Variants in GALNTL6 observed in about 807,000 individuals in gnomAD.
GALNTL6 encodes polypeptide N-acetylgalactosaminyltransferase-like 6.
Under a neutral mutation model 73.7 loss-of-function variants are expected in GALNTL6, and 46 were observed. The observed-to-expected ratio is 0.62, with a 90% CI of 0.49 to 0.80. The LOEUF (loss-of-function observed/expected upper bound fraction) is 0.80, where lower values mean the gene tolerates loss of function less well. Ranked by LOEUF, GALNTL6 falls within the 30% of genes least tolerant of loss-of-function variation. The pLI is 0.00. For synonymous variants in GALNTL6, 259 were observed against 263.7 expected (o/e 0.98, Z 0.17); for missense variants, 604 against 755.0 (o/e 0.80, Z 2.34).
chr4:172,229,698 A>T lies in GALNTL6; in HGVS notation c.181A>T (p.Thr61Ser). The change falls in exon 3 of 13, where the codon ACA (threonine) becomes TCA (serine). Residue 61 changes from threonine (T) to serine (S), a missense_variant. By Grantham distance (58) the Thr-to-Ser change is moderately conservative. Around this residue, in one of 5 missense-constraint regions of GALNTL6, gnomAD observed 141 missense variants for 156.6 expected, o/e 0.90. Transcript: ENST00000506823. The stretch of plus-strand genomic sequence containing the variant: ...GGGAGATGGGCAATTCTATTCATGG[A>T]CAGATGGTTTGAGAAGAAAGGACTG... ...GLGDGQFYSW[T>S]DGLRRKDWHD... 6.2e-7 allele frequency: 1 copy of T among 1,613,908 alleles called. No homozygotes were observed. Among genetic ancestry groups the T allele is most frequent in the South Asian group, 1.1e-5 (1 of 91,072 alleles).
At chr4:172,515,202 T>G (rs1734560449) in intron 5 of GALNTL6, among the ~76,000 whole-genome samples, 1 of 152,216 alleles carries the variant, frequency 6.6e-6, no homozygotes, top group Non-Finnish European at 1.5e-5. Context: ...TGGAGAAAAG[T>G]GCATCTTATC....
At position 172,206,990 on chromosome 4, in the gene GALNTL6, T is replaced by TG. The variant is rs1736155545; in HGVS notation, c.139-22665dup. Among the ~76,000 whole-genome samples the TG allele has an allele frequency of 2.6e-5, 4 of 151,538 alleles. No homozygotes were observed. In the East Asian group the frequency reaches 5.9e-4, roughly 22 times the overall value. ...CCACCACCACGCCCGGCTAGTTTTT[T>TG]GTATTTTTAGTAGAGGCGGGGTTTC... On this transcript the variant is annotated intron_variant, in intron 2 of 12. Coordinates refer to ENST00000506823, the MANE Select transcript of GALNTL6 (RefSeq NM_001034845.3).
chr4:172,916,277 C>A (rs567853994), intron 8 of GALNTL6, among the ~76,000 whole-genome samples: 2 of 152,226 alleles, frequency 1.3e-5, no homozygotes, highest in South Asian at 4.1e-4. Flanking sequence ...ATGACAAACC[C>A]ACAGCCAATA....
intron 5 of GALNTL6, among the ~76,000 whole-genome samples, chr4:172,361,300 A>G (rs888229584): frequency 2.4e-4 from 4 of 16,592 alleles, no homozygotes; most frequent in Non-Finnish European, 1.3e-3. Context: ...ATTGAGTACT[A>G]TGAAGGTCCT....
intron 2 of GALNTL6, among the ~76,000 whole-genome samples, chr4:172,166,755 G>A (rs1267503236): frequency 6.6e-6 from 1 of 152,100 alleles, no homozygotes; most frequent in Non-Finnish European, 1.5e-5. Flanking sequence ...AAGATGGTGC[G>A]TTATTTCAAA....
intron 8 of GALNTL6, among the ~76,000 whole-genome samples, chr4:172,908,677 A>G (rs984907191): frequency 4.6e-5 from 7 of 151,552 alleles, no homozygotes; most frequent in Non-Finnish European, 1.0e-4. Context: ...CTTTATAAAT[A>G]TAAAAAGAAA....
intron 8 of GALNTL6, among the ~76,000 whole-genome samples, chr4:172,902,515 C>T (rs1158796366): frequency 6.6e-6 from 1 of 152,096 alleles, no homozygotes; most frequent in Non-Finnish European, 1.5e-5. Context: ...CAACATGGTC[C>T]CCTGTGGATC....
intron 2 of GALNTL6, among the ~76,000 whole-genome samples, chr4:172,130,181 ATT>A (rs34151025): frequency 1.2e-3 from 159 of 130,210 alleles, no homozygotes; most frequent in Admixed American, 1.5e-3. Flanking sequence ...TCATTACAGA[ATT>A]TTTTTTTTTT....
intron 5 of GALNTL6, among the ~76,000 whole-genome samples, chr4:172,406,856 A>G (rs989744102): frequency 7.2e-5 from 11 of 151,958 alleles, no homozygotes; most frequent in African/African-American, 2.7e-4. Context: ...AAGTTTATTC[A>G]TAGTTTCAAT....
At chr4:171,821,570 A>G (rs1734685218) in intron 2 of GALNTL6, among the ~76,000 whole-genome samples, 2 of 151,642 alleles carry the variant, frequency 1.3e-5, no homozygotes, top group African/African-American at 4.9e-5. Context: ...AGGTGATGAT[A>G]CCTTTTTTGT....
chr4:172,261,254 A>G (rs1738248389), intron 3 of GALNTL6, among the ~76,000 whole-genome samples: 3 of 151,126 alleles, frequency 2.0e-5, no homozygotes, highest in Admixed American at 6.6e-5. Flanking sequence ...TGTTGTTGAC[A>G]ATTTTTAAAT....
At chr4:172,713,590 A>G (rs1734860943) in intron 5 of GALNTL6, among the ~76,000 whole-genome samples, 1 of 152,144 alleles carries the variant, frequency 6.6e-6, no homozygotes, top group Non-Finnish European at 1.5e-5. Flanking sequence ...TGGCCCAAAC[A>G]TGTTGATGCA....
Position 172,333,331 on chromosome 4 carries a change from G to A in GALNTL6, c.387-15192G>A, listed in dbSNP as rs199605308. ...GAGGCAGAGGAATCGCTTGAACCTGGGAGATGGAGGTTGCAGTGAGCCGAG... is the reference window on the plus strand; with the variant it reads ...GAGGCAGAGGAATCGCTTGAACCTGAGAGATGGAGGTTGCAGTGAGCCGAG... On this transcript the variant is annotated intron_variant, in intron 4 of 12. Transcript: ENST00000506823. 7.9e-4 allele frequency among the ~76,000 whole-genome samples: 121 copies of A among 152,254 alleles called. 2 individuals carry two copies. The South Asian group carries it at 0.016, about 20-fold the overall frequency.
At chr4:172,092,282 C>T (rs1371247768) in intron 2 of GALNTL6, among the ~76,000 whole-genome samples, 1 of 152,030 alleles carries the variant, frequency 6.6e-6, no homozygotes, top group African/African-American at 2.4e-5. Flanking sequence ...CGACTAATAA[C>T]ATATACCAAG....
intron 7 of GALNTL6, among the ~76,000 whole-genome samples, chr4:172,863,792 T>C (rs778727432): frequency 6.6e-6 from 1 of 152,158 alleles, no homozygotes; most frequent in African/African-American, 2.4e-5. Context: ...TTTGGAAATA[T>C]GAGGAAATGA....
intron 2 of GALNTL6, among the ~76,000 whole-genome samples, chr4:171,924,374 T>C (rs1737908255): frequency 6.6e-6 from 1 of 151,986 alleles, no homozygotes; most frequent in African/African-American, 2.4e-5. Context: ...TGCAAAAACG[T>C]TATGAGGTGA....
At chr4:171,955,673 C>A (rs1579004478) in intron 2 of GALNTL6, among the ~76,000 whole-genome samples, 1 of 151,966 alleles carries the variant, frequency 6.6e-6, no homozygotes, top group Non-Finnish European at 1.5e-5. Context: ...ATGTTTAGTA[C>A]AGATGCAAAT....
At chr4:172,192,475 A>T (rs1478452024) in intron 2 of GALNTL6, among the ~76,000 whole-genome samples, 1 of 151,894 alleles carries the variant, frequency 6.6e-6, no homozygotes, top group Non-Finnish European at 1.5e-5. Context: ...TTCAGCTGAG[A>T]TATCCAGGTT....
At chr4:172,810,795 G>C (rs1251245372) in intron 6 of GALNTL6, among the ~76,000 whole-genome samples, 2 of 152,094 alleles carry the variant, frequency 1.3e-5, no homozygotes, top group Admixed American at 1.3e-4. Context: ...CTTGTCCAAG[G>C]ACACAGCAAT....
Sources: allele counts gnomAD v4.1 joint callset (sites outside exome capture counted in the v4.1 genomes callset), GRCh38; gene constraint gnomAD v4.1.1; regional missense constraint gnomAD v4.1.1; transcripts MANE v1.5; gene names NCBI Gene and HGNC (gene_info 2026-07-23, HGNC 2026-07-21).